Variants in IGFL2 observed in about 807,000 individuals in gnomAD.
IGFL2 encodes the protein IGF like family member 2, also known as insulin growth factor-like family member 2.
A neutral mutation model predicts 13.9 loss-of-function variants in IGFL2; 7 were observed. The ratio of observed to expected loss-of-function variants is 0.51; its 90% CI spans 0.29 to 0.95. The LOEUF (loss-of-function observed/expected upper bound fraction) is 0.95, where lower values mean the gene tolerates loss of function less well. IGFL2 is among the 40% of genes least tolerant of loss of function. IGFL2 has a pLI of 0.08. For synonymous variants in IGFL2, 55 were observed against 55.8 expected, an observed-to-expected ratio of 0.99 and a Z score of 0.07; for missense variants, 138 against 147.8, an observed-to-expected ratio of 0.93 and a Z score of 0.34.
chr19:46,142,582 A>G (rs145317881), upstream of IGFL2, among the ~76,000 whole-genome samples: 1,193 of 152,350 alleles, frequency 7.8e-3, 11 homozygotes, highest in Non-Finnish European at 8.7e-3. Context: ...TATGTTATCT[A>G]TCTATGTTTA....
upstream of IGFL2, among the ~76,000 whole-genome samples, chr19:46,142,170 A>G (rs1490986320): frequency 6.6e-6 from 1 of 152,218 alleles, no homozygotes; most frequent in Non-Finnish European, 1.5e-5. Context: ...CCAATAACAT[A>G]AATGTGTGTA....
At chr19:46,159,285 A>G (rs1974004213) in intron 1 of IGFL2, 2 of 152,204 alleles carry the variant, frequency 1.3e-5, no homozygotes, top group African/African-American at 4.8e-5. Context: ...GGAAATATAG[A>G]ATTAGAAGGT....
the IGFL2 span, among the ~76,000 whole-genome samples, chr19:46,138,006 G>T: frequency 6.6e-6 from 1 of 152,190 alleles, no homozygotes; most frequent in South Asian, 2.1e-4. Context: ...TGCAGCTTCT[G>T]AATTCTGTCT....
upstream of IGFL2, among the ~76,000 whole-genome samples, chr19:46,141,443 T>C (rs1189724281): frequency 2.6e-5 from 4 of 152,094 alleles, no homozygotes. Flanking sequence ...GTCATGAGTT[T>C]CACTGCTTAA....
the IGFL2 span, among the ~76,000 whole-genome samples, chr19:46,082,456 C>T: frequency 6.6e-6 from 1 of 152,106 alleles, no homozygotes; most frequent in East Asian, 1.9e-4. Context: ...CATACTAAAC[C>T]TCTGAACTTG....
At chr19:46,189,289 G>T in the IGFL2 span, 2 of 152,336 alleles carry the variant, frequency 1.3e-5, no homozygotes, top group Non-Finnish European at 2.9e-5. Context: ...GAGACTTTTA[G>T]TACTTTCACT....
upstream of IGFL2, among the ~76,000 whole-genome samples, chr19:46,140,711 A>G (rs1972822400): frequency 6.6e-6 from 1 of 152,242 alleles, no homozygotes; most frequent in African/African-American, 2.4e-5. Flanking sequence ...CTACTGCAAC[A>G]GAAACCCATG....
At chr19:46,135,358 T>C in the IGFL2 span, among the ~76,000 whole-genome samples, 3 of 152,200 alleles carry the variant, frequency 2.0e-5, no homozygotes, top group African/African-American at 4.8e-5. Context: ...CTTTGTGTTT[T>C]CTTAGAGTCT....
chr19:46,149,685 C>A (rs573056689), intron 1 of IGFL2, among the ~76,000 whole-genome samples: 2 of 151,984 alleles, frequency 1.3e-5, no homozygotes, highest in Admixed American at 6.6e-5. Flanking sequence ...CAAGGCATAT[C>A]CCCATTATAG....
the IGFL2 span, among the ~76,000 whole-genome samples, chr19:46,092,633 C>G: frequency 3.6e-3 from 543 of 151,762 alleles, 3 homozygotes; most frequent in African/African-American, 0.012. Context: ...GAGTGAGACC[C>G]TGTCTCAAAA....
At chr19:46,153,265 T>C (rs1026563128) in intron 1 of IGFL2, among the ~76,000 whole-genome samples, 1 of 152,224 alleles carries the variant, frequency 6.6e-6, no homozygotes, top group African/African-American at 2.4e-5. Context: ...TTTTGTAAAA[T>C]TCACCATCTG....
At chr19:46,144,794 A>ACCCAAC (rs922654083), upstream of IGFL2, among the ~76,000 whole-genome samples, 3 of 151,902 alleles carry the variant, frequency 2.0e-5, no homozygotes, top group Non-Finnish European at 2.9e-5. Context: ...ATCACCCCAA[A>ACCCAAC]CCCAACCCCA....
chr19:46,172,150 A>G, the IGFL2 span, among the ~76,000 whole-genome samples: 52 of 152,318 alleles, frequency 3.4e-4, no homozygotes, highest in East Asian at 0.01. Flanking sequence ...CCTGGATGTA[A>G]CTGAATGGTT....
the IGFL2 span, among the ~76,000 whole-genome samples, chr19:46,194,272 C>T: frequency 3.3e-5 from 5 of 152,076 alleles, no homozygotes; most frequent in African/African-American, 9.7e-5. Flanking sequence ...CCCAGTGAGG[C>T]GTTGACTCCA....
chr19:46,081,822 A>G, the IGFL2 span, among the ~76,000 whole-genome samples: 4 of 152,284 alleles, frequency 2.6e-5, no homozygotes, highest in African/African-American at 4.8e-5. Context: ...TTCTTTGACA[A>G]CTTGTTTATC....
upstream of IGFL2, among the ~76,000 whole-genome samples, chr19:46,144,756 G>C (rs749363995): frequency 6.6e-6 from 1 of 152,056 alleles, no homozygotes; most frequent in Non-Finnish European, 1.5e-5. Flanking sequence ...ATGTAGTCAC[G>C]ATCAAAATCA....
the IGFL2 span, among the ~76,000 whole-genome samples, chr19:46,186,163 G>T: frequency 2.0e-5 from 3 of 152,146 alleles, no homozygotes; most frequent in South Asian, 6.2e-4. Flanking sequence ...CTCCCTACTG[G>T]GGCCGGGCTG....
At chr19:46,197,210 C>A in the IGFL2 span, 2 of 210,524 alleles carry the variant, frequency 9.5e-6, no homozygotes, top group African/African-American at 2.3e-5. Context: ...CTCAGTCCCC[C>A]AGCGTCCCTC....
At chr19:46,161,294 C>A (rs1419689481), downstream of IGFL2, 2 of 466,148 alleles carry the variant, frequency 4.3e-6, no homozygotes, top group African/African-American at 4.0e-5. Flanking sequence ...AATGTACACA[C>A]CTGTACCCAA....
Sources: allele counts gnomAD v4.1 joint callset (sites outside exome capture counted in the v4.1 genomes callset), GRCh38; gene constraint gnomAD v4.1.1; transcripts MANE v1.5; gene names NCBI Gene and HGNC (gene_info 2026-07-23, HGNC 2026-07-21).